VIPR2: variants seen among roughly 807,000 people sequenced by gnomAD.
The protein encoded by VIPR2 is vasoactive intestinal peptide receptor 2.
VIPR2 carries 48 observed loss-of-function variants against 58.0 expected under a neutral mutation model. The ratio of observed to expected loss-of-function variants is 0.83; its 90% CI spans 0.66 to 1.05. The LOEUF (loss-of-function observed/expected upper bound fraction) is 1.05, where lower values mean the gene tolerates loss of function less well. Among genes scored for constraint, VIPR2 ranks in the 50% least tolerant of loss-of-function variants. The pLI is 0.00. For missense variants in VIPR2, 534 were observed against 558.0 expected (o/e 0.96, Z 0.43); for synonymous variants, 243 against 235.2 (o/e 1.03, Z -0.30).
chr7:159,086,336 C>G (rs1857168193), intron 4 of VIPR2, among the ~76,000 whole-genome samples: 1 of 152,176 alleles, frequency 6.6e-6, no homozygotes, highest in South Asian at 2.1e-4. Flanking sequence ...CTATGAAAAT[C>G]AGACCGTGCT....
intron 2 of VIPR2, among the ~76,000 whole-genome samples, chr7:159,113,111 A>G (rs539578305): frequency 6.6e-6 from 1 of 152,324 alleles, no homozygotes; most frequent in African/African-American, 2.4e-5. Context: ...TTTTATACTC[A>G]GAAAAGGAAA....
intron 2 of VIPR2, among the ~76,000 whole-genome samples, chr7:159,134,308 T>C (rs1459375481): frequency 6.6e-6 from 1 of 152,142 alleles, no homozygotes. Flanking sequence ...AATTAACATG[T>C]GTAATTAAAA....
At chr7:159,090,089 G>A (rs113444301) in intron 4 of VIPR2, among the ~76,000 whole-genome samples, 6,860 of 92,142 alleles carry the variant, frequency 0.074, 229 homozygotes, top group African/African-American at 0.2. Context: ...CCACACACAG[G>A]GGCCACCTCT....
intron 4 of VIPR2, among the ~76,000 whole-genome samples, chr7:159,080,585 C>T (rs926955218): frequency 6.6e-6 from 1 of 152,208 alleles, no homozygotes; most frequent in African/African-American, 2.4e-5. Flanking sequence ...TCTCACCACT[C>T]CTATTCAACA....
At chr7:159,144,586 C>T (rs1273422975) in intron 1 of VIPR2, 135 bp downstream of exon 1, 1 of 1,397,118 alleles carries the variant, frequency 7.2e-7, no homozygotes, top group Admixed American at 2.9e-5. Flanking sequence ...CCCGGGCGAC[C>T]CCGCTCCCTC....
intron 2 of VIPR2, among the ~76,000 whole-genome samples, chr7:159,131,673 G>A (rs1796919531): frequency 6.6e-6 from 1 of 152,206 alleles, no homozygotes; most frequent in African/African-American, 2.4e-5. Context: ...TGAATCTGCT[G>A]TAAGACTGGC....
chr7:159,134,803 GCC>G (rs1563357034), intron 2 of VIPR2, among the ~76,000 whole-genome samples: 4 of 151,564 alleles, frequency 2.6e-5, no homozygotes, highest in Non-Finnish European at 5.9e-5. Context: ...GACTAGAGGC[GCC>G]CGCCACCACG....
At chr7:159,036,103 G>T (rs376764532) in intron 7 of VIPR2, 91 bp from the exon 8 acceptor site, 2 of 1,409,150 alleles carry the variant, frequency 1.4e-6, no homozygotes, top group South Asian at 1.4e-5. Context: ...TCAAGGACAC[G>T]CTTTCTCACG....
intron 2 of VIPR2, among the ~76,000 whole-genome samples, chr7:159,123,724 T>G (rs1248600459): frequency 6.6e-6 from 1 of 152,236 alleles, no homozygotes; most frequent in East Asian, 1.9e-4. Context: ...CTTTGAGGAA[T>G]TGCCAGTCTT....
Position 159,099,035 on chromosome 7 carries a change from C to T in VIPR2, c.357+4722G>A, listed in dbSNP as rs1015738573. ...TTCTGGTGCTTGCAGCCTCCAGAGCCGCCTGTGCTATGTGCTGTTGCTTCG... is the reference window on the plus strand; with the variant it reads ...TTCTGGTGCTTGCAGCCTCCAGAGCTGCCTGTGCTATGTGCTGTTGCTTCG... On this transcript the variant is annotated intron_variant, in intron 4 of 12. Transcript: ENST00000262178. The surrounding 1 kb of genome is among the most constrained non-coding windows in gnomAD (Gnocchi z 4.2). Among the ~76,000 whole-genome samples the T allele has an allele frequency of 6.6e-5, 10 of 152,218 alleles. No individual in the cohort carries two copies. The highest frequency in any genetic ancestry group is 2.6e-4 in the Admixed American group (4 of 15,290).
intron 2 of VIPR2, among the ~76,000 whole-genome samples, chr7:159,111,044 G>C (rs1479680556): frequency 6.6e-6 from 1 of 152,138 alleles, no homozygotes; most frequent in Admixed American, 6.5e-5. Flanking sequence ...TTCAAAACAA[G>C]TGATCAAATG....
chr7:159,049,293 C>T (rs538535196), intron 5 of VIPR2, among the ~76,000 whole-genome samples: 14 of 151,586 alleles, frequency 9.2e-5, no homozygotes, highest in South Asian at 2.1e-4. Flanking sequence ...CACTTGTGGC[C>T]GTGAAGGAGG....
intron 3 of VIPR2, among the ~76,000 whole-genome samples, chr7:159,105,572 G>C (rs1362297466): frequency 6.6e-6 from 1 of 152,142 alleles, no homozygotes; most frequent in Admixed American, 6.5e-5. Flanking sequence ...GGAGTGGGGT[G>C]GGAGACTGGT....
intron 4 of VIPR2, among the ~76,000 whole-genome samples, chr7:159,091,172 C>T (rs894132600): frequency 3.3e-5 from 5 of 152,220 alleles, no homozygotes; most frequent in Admixed American, 1.3e-4. Context: ...CCAGGAGCTC[C>T]GTAGAAGCAT....
At chr7:159,118,436 C>G (rs1796325847) in intron 2 of VIPR2, among the ~76,000 whole-genome samples, 1 of 152,204 alleles carries the variant, frequency 6.6e-6, no homozygotes, top group African/African-American at 2.4e-5. Flanking sequence ...AACACAGGTC[C>G]TGATGAGCAA....
chr7:159,113,438 A>AT (rs959920871), intron 2 of VIPR2, among the ~76,000 whole-genome samples: 37 of 151,974 alleles, frequency 2.4e-4, no homozygotes, highest in African/African-American at 7.7e-4. Flanking sequence ...ACAAGCTCGG[A>AT]TTTTAAGACG....
chr7:159,133,271 T>C (rs1385830369), intron 2 of VIPR2, among the ~76,000 whole-genome samples: 1 of 152,310 alleles, frequency 6.6e-6, no homozygotes, highest in Non-Finnish European at 1.5e-5. Flanking sequence ...CACACCAGTG[T>C]CTCCTGGCCA....
intron 4 of VIPR2, among the ~76,000 whole-genome samples, chr7:159,062,719 T>G (rs1022592728): frequency 6.6e-5 from 10 of 152,156 alleles, no homozygotes; most frequent in African/African-American, 2.4e-4. Context: ...AGAACACGAC[T>G]GCCACAGCAC....
At chr7:159,109,761 T>C (rs539970528) in intron 3 of VIPR2, 51 bp downstream of exon 3, 50 of 1,543,220 alleles carry the variant, frequency 3.2e-5, no homozygotes, top group Non-Finnish European at 7.2e-6. Context: ...AAATGGACGC[T>C]CAGATGCAAA....
Sources: gnomAD v4.1 joint callset for allele counts (sites outside exome capture counted in the v4.1 genomes callset) on GRCh38, gnomAD v4.1.1 for gene constraint, Gnocchi (gnomAD v3.1) non-coding constraint, MANE v1.5 for transcripts, NCBI Gene and HGNC (gene_info 2026-07-23, HGNC 2026-07-21) for gene names.